Variants in ZNF318 observed in about 807,000 individuals in gnomAD.
The protein encoded by ZNF318 is zinc finger protein 318.
ZNF318 carries 51 observed loss-of-function variants against 124.2 expected under a neutral mutation model. The observed-to-expected ratio is 0.41, with a 90% CI of 0.33 to 0.52. ZNF318 has a LOEUF of 0.52. Ranked by LOEUF, ZNF318 falls within the 20% of genes least tolerant of loss-of-function variation. The pLI is 0.23. For missense variants in ZNF318, 2,815 were observed against 2,811.2 expected (o/e 1.00, Z -0.03); for synonymous variants, 1,090 against 1,040.7 (o/e 1.05, Z -0.91).
chr6:43,354,693 C>G lies in ZNF318; in HGVS notation c.2641G>C (p.Glu881Gln). Residue 881 changes from glutamate (E) to glutamine (Q), a missense_variant, in exon 4 of 10, where the codon GAG (glutamate) becomes CAG (glutamine). Physicochemically the swap from Glu to Gln is conservative, Grantham distance 29 (BLOSUM62 2). Around this residue, in one of 4 missense-constraint regions of ZNF318, gnomAD observed 1,377 missense variants for 1,353.5 expected, o/e 1.02. Transcript: ENST00000361428. Reference sequence around the variant, plus strand: ...TGCTTCTGGGAAGCACGGTTCTTCTCATCAGAGATCTTCTCTGGATTATAT... The same window carrying G: ...TGCTTCTGGGAAGCACGGTTCTTCTGATCAGAGATCTTCTCTGGATTATAT... ...IRYNPEKISD[E>Q]KNRASQKQKV... 6.2e-7 allele frequency: 1 copy of G among 1,612,350 alleles called. No homozygotes were observed. The highest frequency in any genetic ancestry group is 8.5e-7 in the Non-Finnish European group (1 of 1,179,250).
chr6:43,343,322 A>C (rs565121249), intron 6 of ZNF318, among the ~76,000 whole-genome samples: 1 of 152,306 alleles, frequency 6.6e-6, no homozygotes, highest in Non-Finnish European at 1.5e-5. Flanking sequence ...AATATGGAAA[A>C]GGTAATTGAC....
At position 43,337,349 on chromosome 6, in the gene ZNF318, T is replaced by C. The variant is rs752261464; in HGVS notation, c.6649A>G (p.Thr2217Ala). The C allele has an allele frequency of 6.2e-7, 1 of 1,614,138 alleles. No homozygotes were observed. Among genetic ancestry groups the C allele is most frequent in the Non-Finnish European group, 8.5e-7 (1 of 1,180,016 alleles). The change falls in exon 10 of 10, where the codon ACC becomes GCC. Residue 2217 changes from threonine to alanine, a missense_variant. By Grantham distance (58) the Thr-to-Ala change is moderately conservative (BLOSUM62 0). Transcript: ENST00000361428. ...PLQLEISNASTTEVAILQVDD... is the reference protein window; with the variant it reads ...PLQLEISNASATEVAILQVDD... ...ACTTGCAGAATTGCCACCTCTGTGG[T>C]GGATGCATTCGATATTTCTAGCTGT...
In ZNF318 at chr6:43,368,815, C is replaced by T. The variant is rs1348092265; in HGVS notation, c.399+152G>A. 4.1e-6 allele frequency: 5 copies of T among 1,233,898 alleles called. No homozygotes were observed. In the African/African-American group the frequency reaches 7.8e-5, roughly 19 times the overall value. The allele number at this position is 1,233,898 out of a possible 1,614,324, so 76.4% of individuals were successfully genotyped here. ...ATTGTGTCAACGCTCCCGGGTCTGA[C>T]AGAAGCCTCCAGGCTCGGCATCCCC... is the stretch of plus-strand genomic sequence containing the variant. On this transcript the variant is annotated intron_variant, in intron 1 of 9. Transcript: ENST00000361428.
At chr6:43,357,786 C>T (rs754256181) in intron 2 of ZNF318, 21 bp from the exon 3 acceptor site, 2 of 1,564,660 alleles carry the variant, frequency 1.3e-6, no homozygotes, top group South Asian at 2.3e-5. Context: ...AGAGAAGCAT[C>T]ATTGAACAAA....
At position 43,338,069 on chromosome 6, in the gene ZNF318, T is replaced by C. The variant is rs2150748016; in HGVS notation, c.5929A>G (p.Thr1977Ala). 1 of 1,614,206 alleles carries C rather than the reference T, an allele frequency of 6.2e-7. No homozygotes were observed. Among genetic ancestry groups the C allele is most frequent in the Non-Finnish European group, 8.5e-7 (1 of 1,180,034 alleles). ...ETWESPEKPK[T>A]EALELQDVHP... is the part of the protein sequence containing the mutation. The stretch of plus-strand genomic sequence containing the variant: ...ACATCTTGTAGCTCCAGTGCTTCTG[T>C]TTTTGGTTTCTCTGGGCTCTCCCAG... Residue 1977 changes from threonine (T) to alanine (A), a missense_variant, in exon 10 of 10, where the codon ACA becomes GCA. Coordinates refer to ENST00000361428, the MANE Select transcript of ZNF318 (RefSeq NM_014345.3).
At chr6:43,341,879 T>C (rs1010242410) in intron 8 of ZNF318, among the ~76,000 whole-genome samples, 1 of 152,226 alleles carries the variant, frequency 6.6e-6, no homozygotes, top group Admixed American at 6.5e-5. Flanking sequence ...GACATGTCTA[T>C]GTTTAACATC....
Position 43,355,396 on chromosome 6 carries a change from G to C in ZNF318, c.1938C>G (p.Ser646=). The part of the protein sequence containing the change: ...VDRYFSADHC[S]SVDHRFSADR... ...CAGCTGAGAAGCGGTGGTCAACTGAGGAACAGTGGTCAGCTGAAAAGTATC... is the reference window on the plus strand; with the variant it reads ...CAGCTGAGAAGCGGTGGTCAACTGACGAACAGTGGTCAGCTGAAAAGTATC... Residue 646 remains serine, a synonymous_variant, in exon 4 of 10, where the codon TCC becomes TCG. Transcript: ENST00000361428. The C allele has an allele frequency of 1.2e-6, 2 of 1,614,134 alleles. No homozygotes were observed. The highest frequency in any genetic ancestry group is 1.7e-6 in the Non-Finnish European group (2 of 1,180,016).
rs1779801471 is a variant in ZNF318, at chr6:43,369,148, G to A, written c.218C>T (p.Pro73Leu). The A allele has an allele frequency of 1.6e-6, 2 of 1,220,200 alleles. No individual in the cohort carries two copies. Among genetic ancestry groups the A allele is most frequent in the African/African-American group, 1.6e-5 (1 of 63,722 alleles). The allele number at this position is 1,220,200 out of a possible 1,614,324, so 75.6% of individuals were successfully genotyped here. The change falls in exon 1 of 10, where the codon CCA becomes CTA. Residue 73 changes from proline to leucine, a missense_variant. This residue lies in a region of ZNF318 where 1,377 missense variants were observed against 1,353.5 expected (regional missense o/e 1.02). Coordinates refer to ENST00000361428, the MANE Select transcript of ZNF318 (RefSeq NM_014345.3). ...HRGRRASPSPPRGRRVSPSPP... is the reference protein window; with the variant it reads ...HRGRRASPSPLRGRRVSPSPP... ...GGACGGGGAGACGCGACGACCCCGT[G>A]GCGGGGACGGCGAGGCCCGGCGGCC...
intron 2 of ZNF318, 36 bp downstream of exon 2, chr6:43,365,256 A>T (rs747032598): frequency 1.6e-5 from 25 of 1,594,694 alleles, no homozygotes; most frequent in Non-Finnish European, 2.1e-5. Context: ...GCCTTCAAGT[A>T]CTAGTATAGT....
chr6:43,350,348 C>T (rs1404543568), intron 5 of ZNF318, among the ~76,000 whole-genome samples: 1 of 151,966 alleles, frequency 6.6e-6, no homozygotes, highest in Non-Finnish European at 1.5e-5. Flanking sequence ...TCCCATTGGC[C>T]AAATTTGGAA....
chr6:43,367,395 T>C (rs950953009), intron 1 of ZNF318, among the ~76,000 whole-genome samples: 4 of 152,226 alleles, frequency 2.6e-5, no homozygotes, highest in Non-Finnish European at 4.4e-5. Flanking sequence ...ATTTGATTTC[T>C]GTGTAACCTC....
chr6:43,367,434 G>A (rs2150759050), intron 1 of ZNF318, among the ~76,000 whole-genome samples: 1 of 152,326 alleles, frequency 6.6e-6, no homozygotes, highest in South Asian at 2.1e-4. Context: ...AGCAAGGGCG[G>A]AGTGTAAAGG....
In ZNF318 at chr6:43,365,352, T is replaced by G. The variant is rs1228381199; in HGVS notation, c.488A>C (p.Glu163Ala). The change falls in exon 2 of 10, where the codon GAA (glutamate) becomes GCA (alanine). Residue 163 changes from glutamate to alanine, a missense_variant. Physicochemically the swap from Glu to Ala is moderately radical, Grantham distance 107. Coordinates refer to ENST00000361428, the MANE Select transcript of ZNF318 (RefSeq NM_014345.3). The stretch of plus-strand genomic sequence containing the variant: ...CAGCCGATCACTAAGCCGTCGCCGT[T>G]CTGGTGTGCTAACACAGAAGTGGTC... ...GNDHFCVSTP[E>A]RRRLSDRLGS... 6.2e-7 allele frequency: 1 copy of G among 1,614,104 alleles called. No individual in the cohort carries two copies. The highest frequency in any genetic ancestry group is 8.5e-7 in the Non-Finnish European group (1 of 1,180,048).
At chr6:43,342,573 A>G (rs1779386112) in intron 7 of ZNF318, 103 bp downstream of exon 7, 4 of 1,262,466 alleles carry the variant, frequency 3.2e-6, no homozygotes, top group Non-Finnish European at 2.2e-6. Context: ...GCTCCTGCCC[A>G]TATGAGAATG....
chr6:43,355,657 C>T lies in ZNF318; in HGVS notation c.1677G>A (p.Glu559=). The T allele has an allele frequency of 2.5e-6, 4 of 1,614,202 alleles. No homozygotes were observed. The highest frequency in any genetic ancestry group is 3.4e-6 in the Non-Finnish European group (4 of 1,180,018). ...ESVPKPLGSS[E]SEVMRQKASS... ...TTGCCTTCTGCCTCATAACTTCACT[C>T]TCAGAGCTCCCAAGGGGCTTTGGTA... is the stretch of plus-strand genomic sequence containing the variant. Residue 559 remains glutamate, a synonymous_variant, in exon 4 of 10, where the codon GAG becomes GAA. Coordinates refer to ENST00000361428, the MANE Select transcript of ZNF318 (RefSeq NM_014345.3).
chr6:43,339,168 T>C lies in ZNF318; in HGVS notation c.4830A>G (p.Ser1610=), dbSNP rs1487546485. 4 of 1,614,218 alleles carry C rather than the reference T, an allele frequency of 2.5e-6. 1 individual carries two copies. In the South Asian group the frequency reaches 4.4e-5, roughly 18 times the overall value. The change falls in exon 10 of 10, where the codon TCA becomes TCG. Residue 1610 remains serine, a synonymous_variant. Transcript: ENST00000361428. This position sits in a 1 kb window ranked among gnomAD's most constrained non-coding sequence, Gnocchi z 4.2. Reference sequence around the variant, plus strand: ...TCAAAGGAGAAGTAGAAGAGGTGTCTGAACTTTTGGTTCTAGAGAGGTTGC... The same window carrying C: ...TCAAAGGAGAAGTAGAAGAGGTGTCCGAACTTTTGGTTCTAGAGAGGTTGC... ...ENSNLSRTKS[S]DTSSTSPLNS... is the part of the protein sequence containing the mutation.
At chr6:43,360,441 G>C (rs576833480) in intron 2 of ZNF318, among the ~76,000 whole-genome samples, 4 of 152,264 alleles carry the variant, frequency 2.6e-5, no homozygotes, top group African/African-American at 9.6e-5. Context: ...TCCAGCGATG[G>C]ATACTCCCGG....
At chr6:43,343,019 G>A (rs1307757354) in intron 6 of ZNF318, 140 bp from the exon 7 acceptor site, 2 of 684,216 alleles carry the variant, frequency 2.9e-6, no homozygotes, top group Non-Finnish European at 4.8e-6. Flanking sequence ...CAAGTTGGGG[G>A]GAACCCTAAC....
rs780237045 is a variant in ZNF318 at position 43,339,464 on chromosome 6, C to T, written c.4534G>A (p.Ala1512Thr). Residue 1512 changes from alanine to threonine, a missense_variant, in exon 10 of 10, where the codon GCC (alanine) becomes ACC (threonine). Transcript: ENST00000361428. The surrounding 1 kb of genome is among the most constrained non-coding windows in gnomAD (Gnocchi z 4.2). ...GGAGCTGTCTCATCAGAAGGAATGGCAGCTGGCTGTGCTGAGGCCATGATG... is the reference window on the plus strand; with the variant it reads ...GGAGCTGTCTCATCAGAAGGAATGGTAGCTGGCTGTGCTGAGGCCATGATG... Reference protein sequence around the residue: ...VAIMASAQPAAIPSDETAPGV... With the variant: ...VAIMASAQPATIPSDETAPGV... 4 of 1,613,996 alleles carry T rather than the reference C, an allele frequency of 2.5e-6. No homozygotes were observed. The African/African-American group carries it at 5.3e-5, about 22-fold the overall frequency.
Sources: gnomAD v4.1 joint callset for allele counts (sites outside exome capture counted in the v4.1 genomes callset) on GRCh38, gnomAD v4.1.1 for gene constraint, gnomAD v4.1.1 regional missense constraint, Gnocchi (gnomAD v3.1) non-coding constraint, MANE v1.5 for transcripts, NCBI Gene and HGNC (gene_info 2026-07-23, HGNC 2026-07-21) for gene names.